The following PI16 variants were observed in gnomAD, a reference collection of about 807,000 sequenced individuals.
PI16 encodes PSP94-binding protein.
Under a neutral mutation model 38.0 loss-of-function variants are expected in PI16, and 35 were observed. The observed-to-expected ratio is 0.92, with a 90% CI of 0.70 to 1.22. The LOEUF is 1.22. Ranked by LOEUF, PI16 falls within the 50% of genes most tolerant of loss-of-function variation. PI16 has a pLI of 0.00. For missense variants in PI16, 572 were observed against 593.8 expected (o/e 0.96, Z 0.38); for synonymous variants, 275 against 252.9 (o/e 1.09, Z -0.83).
In PI16 at chr6:36,959,323, C is replaced by T. The variant is rs1279622849; in HGVS notation, c.350C>T (p.Ala117Val). The change falls in exon 2 of 7, where the codon GCC (alanine) becomes GTC (valine). Residue 117 changes from alanine to valine, a missense_variant. Transcript: ENST00000373674. ...HHEREHYNLS[A>V]ATCSPGQMCG... ...GAGCGTGAGCACTACAACCTCAGCGCCGCCACCTGCAGCCCAGGCCAGATG... is the reference window on the plus strand; with the variant it reads ...GAGCGTGAGCACTACAACCTCAGCGTCGCCACCTGCAGCCCAGGCCAGATG... 6.4e-7 allele frequency: 1 copy of T among 1,574,594 alleles called. No individual in the cohort carries two copies. Among genetic ancestry groups the T allele is most frequent in the Non-Finnish European group, 8.6e-7 (1 of 1,160,342 alleles).
chr6:36,948,512 T>G (rs1164364025), intron 1 of PI16: 1 of 152,124 alleles, frequency 6.6e-6, no homozygotes, highest in African/African-American at 2.4e-5. Flanking sequence ...TTGCCTAGGC[T>G]GGTCTCAAAG....
chr6:36,963,526 C>T lies in PI16; in HGVS notation c.1184C>T (p.Ser395Phe), dbSNP rs746198084. The change falls in exon 5 of 7, where the codon TCC becomes TTC. Residue 395 changes from serine (S) to phenylalanine (F), a missense_variant. Physicochemically the swap from Ser to Phe is radical, Grantham distance 155. Coordinates refer to ENST00000373674, the MANE Select transcript of PI16 (RefSeq NM_153370.3). Reference protein sequence around the residue: ...ATLDHTGHTSSKSLPNFPNTS... With the variant: ...ATLDHTGHTSFKSLPNFPNTS... Reference sequence around the variant, plus strand: ...CTGGACCACACGGGGCACACCTCCTCCAAGTCCCTGCCCAATTTCCCCAAT... The same window carrying T: ...CTGGACCACACGGGGCACACCTCCTTCAAGTCCCTGCCCAATTTCCCCAAT... The T allele has an allele frequency of 1.9e-6, 3 of 1,614,080 alleles. No homozygotes were observed. The highest frequency in any genetic ancestry group is 2.2e-5 in the South Asian group (2 of 91,090).
At chr6:36,957,634 G>C (rs553032681) in intron 1 of PI16, among the ~76,000 whole-genome samples, 1 of 152,150 alleles carries the variant, frequency 6.6e-6, no homozygotes, top group Non-Finnish European at 1.5e-5. Context: ...AACTCCACAG[G>C]GGGCTCTGGA....
rs1465462481 is a variant in PI16, at chr6:36,963,635, C to CTGGCTCTGGCTCTGG, written c.1270+23_1270+24insTGGCTCTGGCTCTGG. ...CAGGTAAGGCCCATAGCATCTGTCC[C>CTGGCTCTGGCTCTGG]ACTTTCCTCCTGGCTCTGGAATGTC... On this transcript the variant is annotated intron_variant, in intron 5 of 6. Transcript: ENST00000373674. The CTGGCTCTGGCTCTGG allele has an allele frequency of 3.1e-6, 5 of 1,604,590 alleles. No individual in the cohort carries two copies. In the East Asian group the frequency reaches 8.9e-5, roughly 29 times the overall value.
chr6:36,961,200 T>A (rs974861783), intron 2 of PI16, among the ~76,000 whole-genome samples: 1 of 152,096 alleles, frequency 6.6e-6, no homozygotes, highest in Admixed American at 6.5e-5. Context: ...AGGGAAGGTT[T>A]TGAGAGGAAA....
chr6:36,963,159 C>T lies in PI16; in HGVS notation c.817C>T (p.Pro273Ser). Residue 273 changes from proline to serine, a missense_variant, in exon 5 of 7, where the codon CCG becomes TCG. Physicochemically the swap from Pro to Ser is moderately conservative, Grantham distance 74. Transcript: ENST00000373674. ...QAPTSLATKDPPSMATEAPPC... is the reference protein window; with the variant it reads ...QAPTSLATKDSPSMATEAPPC... ...CCCAACTTCCTTAGCAACGAAAGAC[C>T]CGCCCTCCATGGCAACAGAGGCTCC... 1 of 1,614,212 alleles carries T rather than the reference C, an allele frequency of 6.2e-7. No homozygotes were observed. The highest frequency in any genetic ancestry group is 8.5e-7 in the Non-Finnish European group (1 of 1,180,040).
At chr6:36,956,438 G>A (rs1315427956) in intron 1 of PI16, among the ~76,000 whole-genome samples, 1 of 152,194 alleles carries the variant, frequency 6.6e-6, no homozygotes, top group Non-Finnish European at 1.5e-5. Flanking sequence ...TTGGAGTGGG[G>A]CAACATTCTG....
upstream of PI16, among the ~76,000 whole-genome samples, chr6:36,953,971 C>A (rs568392485): frequency 2.8e-4 from 43 of 152,302 alleles, no homozygotes; most frequent in Middle Eastern, 0.01. Context: ...TACCTGGAAG[C>A]CAAAATTTTG....
chr6:36,951,719 C>T (rs1763102453), upstream of PI16, among the ~76,000 whole-genome samples: 1 of 151,990 alleles, frequency 6.6e-6, no homozygotes, highest in African/African-American at 2.4e-5. Flanking sequence ...GCCAACATGG[C>T]GAAATCTTGT....
intron 6 of PI16, 141 bp downstream of exon 6, chr6:36,964,103 C>G: frequency 9.4e-7 from 1 of 1,066,790 alleles, no homozygotes; most frequent in African/African-American, 1.6e-5. Flanking sequence ...AGATTCCAGG[C>G]CAGCACTCTT....
intron 2 of PI16, among the ~76,000 whole-genome samples, chr6:36,960,648 C>A (rs1408955764): frequency 6.9e-6 from 1 of 145,016 alleles, no homozygotes; most frequent in Non-Finnish European, 1.5e-5. Context: ...CTCCACCCCC[C>A]CCCTCCCTCT....
Position 36,963,272 on chromosome 6 carries a change from G to A in PI16, c.930G>A (p.Ser310=), listed in dbSNP as rs1472730411. The A allele has an allele frequency of 1.2e-6, 2 of 1,614,108 alleles. No individual in the cohort carries two copies. The highest frequency in any genetic ancestry group is 1.7e-5 in the Admixed American group (1 of 60,026). The change falls in exon 5 of 7, where the codon TCG becomes TCA. Residue 310 remains serine (S), a synonymous_variant. Coordinates refer to ENST00000373674, the MANE Select transcript of PI16 (RefSeq NM_153370.3). ...LDEEPVTFPK[S]THVPIPKSAD... is the part of the protein sequence containing the mutation. ...AGGAGCCAGTTACCTTCCCCAAATCGACCCATGTTCCTATCCCAAAATCAG... is the reference window on the plus strand; with the variant it reads ...AGGAGCCAGTTACCTTCCCCAAATCAACCCATGTTCCTATCCCAAAATCAG...
intron 2 of PI16, among the ~76,000 whole-genome samples, chr6:36,959,694 G>A (rs1428130462): frequency 1.3e-5 from 2 of 152,056 alleles, no homozygotes; most frequent in African/African-American, 2.4e-5. Flanking sequence ...GCAACATGGC[G>A]AGATCCCTGT....
intron 1 of PI16, among the ~76,000 whole-genome samples, chr6:36,955,731 A>T (rs1320567744): frequency 6.6e-6 from 1 of 152,244 alleles, no homozygotes; most frequent in Non-Finnish European, 1.5e-5. Flanking sequence ...AAACACGCAG[A>T]TGTAGTAAAC....
At chr6:36,959,470 C>T in intron 2 of PI16, 104 bp downstream of exon 2, 4 of 1,180,248 alleles carry the variant, frequency 3.4e-6, no homozygotes, top group Non-Finnish European at 4.6e-6. Flanking sequence ...CCTAAGCGTC[C>T]TCGCTGCAAG....
At position 36,962,192 on chromosome 6, in the gene PI16, G is replaced by A. The variant is rs1763385426; in HGVS notation, c.592+218G>A. Reference sequence around the variant, plus strand: ...GTGGCCGGATTTCAACCCTTCAAAGGGAGGATGTTAGAAAGTCTGGCGGCT... The same window carrying A: ...GTGGCCGGATTTCAACCCTTCAAAGAGAGGATGTTAGAAAGTCTGGCGGCT... On this transcript the variant is annotated intron_variant, in intron 4 of 6. Coordinates refer to ENST00000373674, the MANE Select transcript of PI16 (RefSeq NM_153370.3). This position sits in a 1 kb window ranked among gnomAD's most constrained non-coding sequence, Gnocchi z 4.1. Among the ~76,000 whole-genome samples the A allele has an allele frequency of 6.6e-6, 1 of 152,166 alleles. No individual in the cohort carries two copies. Among genetic ancestry groups the A allele is most frequent in the Non-Finnish European group, 1.5e-5 (1 of 68,028 alleles).
chr6:36,955,373 A>T (rs1763175134), intron 1 of PI16, among the ~76,000 whole-genome samples: 1 of 152,178 alleles, frequency 6.6e-6, no homozygotes, highest in Non-Finnish European at 1.5e-5. Context: ...AGAGGACAAG[A>T]GGAAGCAGGG....
At chr6:36,948,491 G>C (rs745394319) in intron 1 of PI16, 1 of 152,160 alleles carries the variant, frequency 6.6e-6, no homozygotes, top group African/African-American at 2.4e-5. Context: ...TAGAGAAAGG[G>C]TCTCACTTTG....
intron 1 of PI16, 60 bp from the exon 2 acceptor site, chr6:36,959,085 T>G (rs1355237796): frequency 1.4e-6 from 2 of 1,467,230 alleles, no homozygotes; most frequent in African/African-American, 2.8e-5. Context: ...CTCGACCTTT[T>G]GCTTGGTCCC....
Sources: allele counts gnomAD v4.1 joint callset (sites outside exome capture counted in the v4.1 genomes callset), GRCh38; gene constraint gnomAD v4.1.1; non-coding constraint Gnocchi (gnomAD v3.1); transcripts MANE v1.5; gene names NCBI Gene and HGNC (gene_info 2026-07-23, HGNC 2026-07-21).